Variants in GPC5 observed in about 807,000 individuals in gnomAD.
The protein encoded by GPC5 is glypican 5, also known as glypican-5.
A neutral mutation model predicts 53.9 loss-of-function variants in GPC5; 47 were observed. That is an observed-to-expected ratio of 0.87 (90% CI 0.69 to 1.11). The LOEUF (loss-of-function observed/expected upper bound fraction) is 1.11, where lower values mean the gene tolerates loss of function less well. Ranked by LOEUF, GPC5 falls within the 50% of genes most tolerant of loss-of-function variation. The probability of loss-of-function intolerance (pLI) is 0.00; values close to 1 mark genes in which losing one functional copy is unlikely to be tolerated. For synonymous variants in GPC5, 286 were observed against 263.3 expected (o/e 1.09, Z -0.84); for missense variants, 748 against 713.1 (o/e 1.05, Z -0.56).
At chr13:91,941,438 C>T (rs973986198) in intron 6 of GPC5, among the ~76,000 whole-genome samples, 6 of 152,076 alleles carry the variant, frequency 3.9e-5, no homozygotes, top group Non-Finnish European at 7.4e-5. Flanking sequence ...CTCCCCCTTC[C>T]TAGCCAAGCT....
chr13:92,190,062 A>G (rs1222641022), intron 7 of GPC5, among the ~76,000 whole-genome samples: 1 of 152,206 alleles, frequency 6.6e-6, no homozygotes, highest in Non-Finnish European at 1.5e-5. Context: ...ATTATGTACA[A>G]GCTGGAGAAA....
At chr13:91,453,034 T>C (rs1214254184) in intron 2 of GPC5, among the ~76,000 whole-genome samples, 2 of 98,318 alleles carry the variant, frequency 2.0e-5, no homozygotes, top group Non-Finnish European at 4.2e-5. Flanking sequence ...TCTAAAAAAA[T>C]GTTATTGCTA....
chr13:92,802,280 T>A (rs1876934154), intron 7 of GPC5, among the ~76,000 whole-genome samples: 1 of 151,836 alleles, frequency 6.6e-6, no homozygotes, highest in Admixed American at 6.6e-5. Context: ...TAGGCTATAG[T>A]ATCTAGGTTT....
At chr13:91,799,706 T>C (rs528545800) in intron 5 of GPC5, among the ~76,000 whole-genome samples, 55 of 152,288 alleles carry the variant, frequency 3.6e-4, no homozygotes, top group Admixed American at 2.9e-3. Flanking sequence ...GTTTTGAACA[T>C]TATAGATCCT....
chr13:92,525,206 C>T (rs1412796556), intron 7 of GPC5, among the ~76,000 whole-genome samples: 2 of 151,950 alleles, frequency 1.3e-5, no homozygotes, highest in African/African-American at 2.4e-5. Context: ...CTACTACTTG[C>T]TAATTATTTA....
chr13:92,146,462 A>T (rs2041868023), intron 7 of GPC5, among the ~76,000 whole-genome samples: 1 of 152,134 alleles, frequency 6.6e-6, no homozygotes, highest in East Asian at 1.9e-4. Context: ...TGTGAAAAAA[A>T]TACTAGTGAA....
rs1212876208 is a variant in GPC5, at chr13:92,162,261, C to T, written c.1561+17272C>T. On this transcript the variant is annotated intron_variant, in intron 7 of 7. Coordinates refer to ENST00000377067, the MANE Select transcript of GPC5 (RefSeq NM_004466.6). ...CATGGTTATTTTTCGTTTGAAATGCCCCTTATCTCCACATTCATACATCCA... is the reference window on the plus strand; with the variant it reads ...CATGGTTATTTTTCGTTTGAAATGCTCCTTATCTCCACATTCATACATCCA... Among the ~76,000 whole-genome samples, 6 of 151,964 alleles carry T rather than the reference C, an allele frequency of 3.9e-5. No individual in the cohort carries two copies. The South Asian group carries it at 1.2e-3, about 32-fold the overall frequency.
intron 2 of GPC5, among the ~76,000 whole-genome samples, chr13:91,479,194 T>G (rs1883172347): frequency 6.6e-6 from 1 of 151,986 alleles, no homozygotes; most frequent in African/African-American, 2.4e-5. Context: ...ATTACAGGCT[T>G]GAGCCACCAC....
chr13:91,572,491 T>C (rs555401295), intron 2 of GPC5, among the ~76,000 whole-genome samples: 2 of 152,124 alleles, frequency 1.3e-5, no homozygotes, highest in Admixed American at 1.3e-4. Context: ...AGGAAGCTTA[T>C]AATCATGGCT....
At chr13:92,479,171 G>A (rs1426075593) in intron 7 of GPC5, among the ~76,000 whole-genome samples, 1 of 152,122 alleles carries the variant, frequency 6.6e-6, no homozygotes, top group Non-Finnish European at 1.5e-5. Flanking sequence ...TAAAGCACAG[G>A]AATTAGATGG....
At chr13:92,443,254 C>A (rs1237453167) in intron 7 of GPC5, among the ~76,000 whole-genome samples, 1 of 152,180 alleles carries the variant, frequency 6.6e-6, no homozygotes, top group Non-Finnish European at 1.5e-5. Context: ...GAGTATGGCA[C>A]AAAGCCATCC....
chr13:92,092,211 A>C (rs2041386810), intron 6 of GPC5, among the ~76,000 whole-genome samples: 1 of 152,196 alleles, frequency 6.6e-6, no homozygotes, highest in African/African-American at 2.4e-5. Context: ...TGCATACTGC[A>C]TACACCTTAG....
intron 7 of GPC5, among the ~76,000 whole-genome samples, chr13:92,584,972 G>A (rs1883490209): frequency 6.6e-6 from 1 of 152,050 alleles, no homozygotes; most frequent in African/African-American, 2.4e-5. Context: ...TTCAGAAGAT[G>A]TATAAAAACG....
At chr13:91,894,472 C>T (rs576219219) in intron 5 of GPC5, among the ~76,000 whole-genome samples, 1 of 152,188 alleles carries the variant, frequency 6.6e-6, no homozygotes, top group Non-Finnish European at 1.5e-5. Flanking sequence ...GATCCAACAA[C>T]ATACGAGGAA....
At chr13:92,278,363 CT>C (rs1050022040) in intron 7 of GPC5, among the ~76,000 whole-genome samples, 1 of 151,824 alleles carries the variant, frequency 6.6e-6, no homozygotes, top group Non-Finnish European at 1.5e-5. Context: ...TAAAATATAC[CT>C]TACACTCATA....
chr13:91,964,117 C>T (rs893001714), intron 6 of GPC5, among the ~76,000 whole-genome samples: 2 of 152,110 alleles, frequency 1.3e-5, no homozygotes, highest in African/African-American at 4.8e-5. Flanking sequence ...TCAGAGGTCT[C>T]CAGAGTTTCT....
intron 6 of GPC5, among the ~76,000 whole-genome samples, chr13:91,913,203 A>C (rs2039626433): frequency 6.6e-6 from 1 of 152,136 alleles, no homozygotes; most frequent in South Asian, 2.1e-4. Flanking sequence ...GTTTGAGACC[A>C]GCCTGGCCAA....
At chr13:91,857,897 G>T (rs945272475) in intron 5 of GPC5, among the ~76,000 whole-genome samples, 2 of 151,320 alleles carry the variant, frequency 1.3e-5, no homozygotes, top group Non-Finnish European at 1.5e-5. Context: ...TTTGTCTTTT[G>T]AATGCTATTA....
At chr13:91,979,540 G>A (rs1035897966) in intron 6 of GPC5, among the ~76,000 whole-genome samples, 4 of 152,152 alleles carry the variant, frequency 2.6e-5, no homozygotes, top group Non-Finnish European at 5.9e-5. Context: ...TTTGGAGAAA[G>A]ACTTATATCT....
Sources: allele counts gnomAD v4.1 joint callset (sites outside exome capture counted in the v4.1 genomes callset), GRCh38; gene constraint gnomAD v4.1.1; transcripts MANE v1.5; gene names NCBI Gene and HGNC (gene_info 2026-07-23, HGNC 2026-07-21).